ZNF735: variants seen among roughly 807,000 people sequenced by gnomAD.
The protein encoded by ZNF735 is putative zinc finger protein 735.
In ZNF735, 11 loss-of-function variants were observed where a neutral mutation model predicts 13.4. The ratio of observed to expected loss-of-function variants is 0.82; its 90% CI spans 0.52 to 1.36. The LOEUF is 1.36. Among genes scored for constraint, ZNF735 ranks in the 40% most tolerant of loss-of-function variants. ZNF735 has a pLI of 0.00. For missense variants in ZNF735, 500 were observed against 484.6 expected (o/e 1.03, Z -0.30); for synonymous variants, 171 against 162.6 (o/e 1.05, Z -0.39).
In ZNF735 at chr7:64,219,705, T is replaced by C. The variant is rs773902002; in HGVS notation, c.654T>C (p.Cys218=). Residue 218 remains cysteine, a synonymous_variant, in exon 4 of 4, where the codon TGT becomes TGC. Transcript: ENST00000429565. ...AGAAGTCCTACAAATGTGAAGAATG[T>C]GGCAAATCCTTTAACCACTCCTCAA... 6 of 1,591,710 alleles carry C rather than the reference T, an allele frequency of 3.8e-6. No homozygotes were observed. In the East Asian group the frequency reaches 6.8e-5, roughly 18 times the overall value.
chr7:64,213,730 G>A (rs1212379700), intron 2 of ZNF735, among the ~76,000 whole-genome samples: 1 of 152,102 alleles, frequency 6.6e-6, no homozygotes, highest in East Asian at 1.9e-4. Context: ...GGAGGCCGAG[G>A]CAGGCAGATC....
chr7:64,213,225 T>A lies in ZNF735; in HGVS notation c.166+7T>A. ...AGAAACCTGTTCTCCCTGGGTGAGG[T>A]TAACCTCAATACATAATTCCTAATA... On this transcript the variant is annotated splice_region_variant and intron_variant, in intron 2 of 3. Transcript: ENST00000429565. 1 of 1,589,896 alleles carries A rather than the reference T, an allele frequency of 6.3e-7. No homozygotes were observed. Among genetic ancestry groups the A allele is most frequent in the Non-Finnish European group, 8.5e-7 (1 of 1,172,334 alleles).
At chr7:64,216,086 G>C (rs1254137509) in intron 3 of ZNF735, among the ~76,000 whole-genome samples, 1 of 151,898 alleles carries the variant, frequency 6.6e-6, no homozygotes, top group African/African-American at 2.4e-5. Context: ...ACGAGGTCAG[G>C]AGATCAAGAC....
intron 1 of ZNF735, among the ~76,000 whole-genome samples, chr7:64,208,368 T>C (rs1419619981): frequency 6.7e-6 from 1 of 148,716 alleles, no homozygotes; most frequent in Non-Finnish European, 1.5e-5. Context: ...ATGATTGTCC[T>C]GCCTCAGCCT....
intron 3 of ZNF735, among the ~76,000 whole-genome samples, chr7:64,217,103 G>A (rs1458330701): frequency 6.6e-6 from 1 of 152,168 alleles, no homozygotes; most frequent in East Asian, 1.9e-4. Context: ...GGGGCCTAAT[G>A]AGAGCTGTTT....
chr7:64,219,503 A>C (rs778884036), exon 4 of ZNF735: 6 of 1,610,942 alleles, frequency 3.7e-6, no homozygotes, highest in Non-Finnish European at 4.2e-6. Flanking sequence ...TGTTTGTCAA[A>C]TACCCAAAAC....
At chr7:64,210,568 G>C (rs1787344942) in intron 1 of ZNF735, among the ~76,000 whole-genome samples, 1 of 152,174 alleles carries the variant, frequency 6.6e-6, no homozygotes, top group Non-Finnish European at 1.5e-5. Flanking sequence ...ACATTCAGGA[G>C]AGTTTAGTTC....
intron 1 of ZNF735, among the ~76,000 whole-genome samples, chr7:64,207,714 C>A (rs1485403561): frequency 6.6e-6 from 1 of 152,114 alleles, no homozygotes; most frequent in Non-Finnish European, 1.5e-5. Flanking sequence ...GCGGGCCAGG[C>A]GCGGTGGCTC....
exon 4 of ZNF735, chr7:64,219,859 G>T (rs558098312): frequency 1.2e-6 from 2 of 1,605,144 alleles, no homozygotes; most frequent in Non-Finnish European, 1.7e-6. Flanking sequence ...GAAACCCTAC[G>T]CATGTGAAGA....
At chr7:64,213,127 C>T in exon 2 of ZNF735, 1 of 1,611,852 alleles carries the variant, frequency 6.2e-7, no homozygotes, top group Non-Finnish European at 8.5e-7. Context: ...CTATAGAATT[C>T]TCTCTGGCGG....
chr7:64,212,533 C>G (rs1292328473), intron 1 of ZNF735, among the ~76,000 whole-genome samples: 1 of 152,140 alleles, frequency 6.6e-6, no homozygotes, highest in East Asian at 1.9e-4. Context: ...TGGCTCATGC[C>G]TGCAATCCCA....
chr7:64,212,729 T>G (rs1787375423), intron 1 of ZNF735, among the ~76,000 whole-genome samples: 1 of 150,864 alleles, frequency 6.6e-6, no homozygotes, highest in African/African-American at 2.4e-5. Context: ...AGGCGGAGGT[T>G]GCACTGAGCC....
intron 1 of ZNF735, among the ~76,000 whole-genome samples, chr7:64,207,922 G>A (rs1406398172): frequency 6.6e-6 from 1 of 151,994 alleles, no homozygotes; most frequent in Non-Finnish European, 1.5e-5. Flanking sequence ...GGGAGGCGGA[G>A]GTTGCAGTGA....
At chr7:64,211,815 G>C (rs944092566) in intron 1 of ZNF735, among the ~76,000 whole-genome samples, 1 of 149,730 alleles carries the variant, frequency 6.7e-6, no homozygotes, top group Non-Finnish European at 1.5e-5. Flanking sequence ...GCAGTGACCT[G>C]AGATTGCACC....
exon 3 of ZNF735, chr7:64,214,034 A>G: frequency 6.3e-7 from 1 of 1,599,376 alleles, no homozygotes; most frequent in East Asian, 2.2e-5. Flanking sequence ...TCTAAGCCAG[A>G]CTTGATCGCC....
intron 3 of ZNF735, among the ~76,000 whole-genome samples, chr7:64,215,153 C>T (rs1787405250): frequency 6.6e-6 from 1 of 151,834 alleles, no homozygotes; most frequent in South Asian, 2.1e-4. Context: ...CCTCTGCCTC[C>T]CAGATTCAAA....
intron 1 of ZNF735, among the ~76,000 whole-genome samples, chr7:64,207,556 G>A (rs982188266): frequency 2.6e-5 from 4 of 152,196 alleles, no homozygotes; most frequent in Admixed American, 2.6e-4. Flanking sequence ...TATCAGGGGA[G>A]AATCCTGACA....
chr7:64,219,964 G>T (rs1787470801), exon 4 of ZNF735: 1 of 1,613,614 alleles, frequency 6.2e-7, no homozygotes, highest in African/African-American at 1.3e-5. Context: ...ATGTGGCAAA[G>T]CCTTTAGCGT....
chr7:64,211,938 T>A (rs894674149), intron 1 of ZNF735, among the ~76,000 whole-genome samples: 2 of 151,116 alleles, frequency 1.3e-5, no homozygotes, highest in Admixed American at 1.3e-4. Flanking sequence ...TATAATTTAC[T>A]TTTCTGAGAG....
Sources: gnomAD v4.1 joint callset for allele counts (sites outside exome capture counted in the v4.1 genomes callset) on GRCh38, gnomAD v4.1.1 for gene constraint, MANE v1.5 for transcripts, NCBI Gene and HGNC (gene_info 2026-07-23, HGNC 2026-07-21) for gene names.